GSTM2: variants seen among roughly 807,000 people sequenced by gnomAD.
GSTM2 encodes the protein glutathione S-transferase mu 2.
A neutral mutation model predicts 33.3 loss-of-function variants in GSTM2; 33 were observed. That is an observed-to-expected ratio of 0.99 (90% confidence interval 0.75 to 1.33). GSTM2 has a LOEUF of 1.33. Ranked by LOEUF, GSTM2 falls within the 40% of genes most tolerant of loss-of-function variation. GSTM2 has a pLI of 0.00. For synonymous variants in GSTM2, 93 were observed against 95.6 expected (o/e 0.97, Z 0.16); for missense variants, 213 against 265.8 (o/e 0.80, Z 1.38).
chr1:109,671,967 T>A (rs1647558289), intron 7 of GSTM2, among the ~76,000 whole-genome samples: 1 of 79,192 alleles, frequency 1.3e-5, no homozygotes. Flanking sequence ...TGTGACTCCA[T>A]CTCAAGAAAA....
At chr1:109,671,236 C>A in intron 5 of GSTM2, 51 bp from the exon 6 acceptor site, 1 of 1,335,824 alleles carries the variant, frequency 7.5e-7, no homozygotes, top group Non-Finnish European at 1.1e-6. Flanking sequence ...GAGGCCGCAT[C>A]TGTGCAGGGA....
intron 2 of GSTM2, 153 bp from the exon 3 acceptor site, chr1:109,668,772 T>G (rs1310607258): frequency 1.0e-6 from 1 of 985,938 alleles, no homozygotes; most frequent in African/African-American, 1.6e-5. Context: ...TCACTGGAAT[T>G]CTTTTTCTCT....
intron 7 of GSTM2, 109 bp from the exon 8 acceptor site, chr1:109,674,638 C>T: frequency 7.2e-7 from 1 of 1,384,330 alleles, no homozygotes; most frequent in Non-Finnish European, 1.0e-6. Context: ...CTTGAGCCCA[C>T]ATGGAAAGGC....
At chr1:109,676,560 C>T (rs1359810327), downstream of GSTM2, among the ~76,000 whole-genome samples, 2 of 152,112 alleles carry the variant, frequency 1.3e-5, no homozygotes, top group Non-Finnish European at 2.9e-5. Flanking sequence ...ACCATGTTGG[C>T]CATGCTGGTC....
rs114387727 is a variant in GSTM2, at chr1:109,670,886, T to C, written c.361-401T>C. The C allele has an allele frequency of 4.0e-3, 700 of 173,258 alleles. 9 individuals are homozygous for C. Among genetic ancestry groups the C allele is most frequent in the African/African-American group, 0.016 (685 of 42,290 alleles). 10.7% of individuals were successfully genotyped at this position (173,258 alleles called of 1,614,324 possible). ...TCCAGAAACCACTCAATGTCCATTG[T>C]ATTCTACTGCTGCCCAACTAGGAGG... On this transcript the variant is annotated intron_variant, in intron 5 of 7. Transcript: ENST00000241337.
chr1:109,668,321 G>A, intron 1 of GSTM2, 104 bp from the exon 2 acceptor site: 2 of 1,416,228 alleles, frequency 1.4e-6, no homozygotes, highest in Non-Finnish European at 2.0e-6. Context: ...GTGGGGGCGG[G>A]TGAGGCAGGA....
At chr1:109,668,569 C>T in intron 2 of GSTM2, 69 bp downstream of exon 2, 1 of 1,546,672 alleles carries the variant, frequency 6.5e-7, no homozygotes, top group Non-Finnish European at 8.9e-7. Context: ...CGATAGTGGC[C>T]ACCTGTGGCT....
intron 7 of GSTM2, chr1:109,673,512 A>T (rs1239470293): frequency 1.3e-5 from 6 of 453,914 alleles, no homozygotes; most frequent in Non-Finnish European, 2.4e-5. Flanking sequence ...GCTAGTTCCC[A>T]TCAGCTCTGG....
At chr1:109,678,615 T>C (rs1256259795), downstream of GSTM2, among the ~76,000 whole-genome samples, 3 of 151,824 alleles carry the variant, frequency 2.0e-5, 1 homozygote, top group African/African-American at 7.3e-5. Flanking sequence ...TTTTGTATTT[T>C]TGGGCGTGGT....
downstream of GSTM2, among the ~76,000 whole-genome samples, chr1:109,676,503 A>G (rs1480881808): frequency 6.6e-6 from 1 of 151,880 alleles, no homozygotes; most frequent in Non-Finnish European, 1.5e-5. Flanking sequence ...AGGCGTGCAC[A>G]CTGTGCCCAG....
At chr1:109,668,878 G>A in intron 2 of GSTM2, 47 bp from the exon 3 acceptor site, 2 of 1,609,898 alleles carry the variant, frequency 1.2e-6, no homozygotes, top group Non-Finnish European at 1.7e-6. Flanking sequence ...AGGAAGGAGG[G>A]CTGGGCTTTG....
At chr1:109,668,883 G>A (rs371310525) in intron 2 of GSTM2, 42 bp from the exon 3 acceptor site, 204 of 1,610,956 alleles carry the variant, frequency 1.3e-4, no homozygotes, top group Non-Finnish European at 1.5e-4. Flanking sequence ...GGAGGGCTGG[G>A]CTTTGGGGAG....
chr1:109,679,361 T>C (rs1376957782), downstream of GSTM2, among the ~76,000 whole-genome samples: 5 of 152,008 alleles, frequency 3.3e-5, no homozygotes, highest in Non-Finnish European at 7.4e-5. Flanking sequence ...ATCCCAGCTA[T>C]TCAGGAGGCT....
At chr1:109,672,832 A>C (rs1647594842) in intron 7 of GSTM2, among the ~76,000 whole-genome samples, 2 of 150,604 alleles carry the variant, frequency 1.3e-5, no homozygotes, top group South Asian at 4.2e-4. Context: ...GCTTATGCTG[A>C]AATGCCCTGT....
chr1:109,676,934 C>T (rs72989277), downstream of GSTM2, among the ~76,000 whole-genome samples: 6,458 of 152,254 alleles, frequency 0.042, 452 homozygotes, highest in African/African-American at 0.15. Context: ...CATGTATTCA[C>T]GCAAGGCTCA....
intron 1 of GSTM2, 39 bp downstream of exon 1, chr1:109,668,190 T>A: frequency 6.8e-7 from 1 of 1,474,622 alleles, no homozygotes; most frequent in Non-Finnish European, 9.4e-7. Flanking sequence ...CGGGGGTGCG[T>A]GGGGGCGGGG....
chr1:109,682,699 A>G (rs1455485725), intron 7 of GSTM2, among the ~76,000 whole-genome samples: 1 of 127,608 alleles, frequency 7.8e-6, no homozygotes, highest in Admixed American at 7.6e-5. Context: ...TATCACAGGC[A>G]TGTTGGAAAA....
Position 109,671,507 on chromosome 1 carries a change from T to G in GSTM2, c.491T>G (p.Leu164Arg). ...TFVDFIAYDV[L>R]ERNQVFEPSC... ...GTGGATTTCATCGCTTATGATGTCC[T>G]TGAGAGAAACCAAGTATTTGAGCCC... is the stretch of plus-strand genomic sequence containing the variant. The change falls in exon 7 of 8, where the codon CTT becomes CGT. Residue 164 changes from leucine (L) to arginine (R), a missense_variant. Transcript: ENST00000241337. The G allele has an allele frequency of 6.2e-7, 1 of 1,613,522 alleles. No individual in the cohort carries two copies. Among genetic ancestry groups the G allele is most frequent in the Non-Finnish European group, 8.5e-7 (1 of 1,179,390 alleles).
chr1:109,673,332 A>G, intron 7 of GSTM2: 2 of 1,530,510 alleles, frequency 1.3e-6, no homozygotes, highest in East Asian at 2.3e-5. Context: ...AAATGAGTGC[A>G]GTGAGAGGCC....
Sources: gnomAD v4.1 joint callset for allele counts (sites outside exome capture counted in the v4.1 genomes callset) on GRCh38, gnomAD v4.1.1 for gene constraint, MANE v1.5 for transcripts, NCBI Gene and HGNC (gene_info 2026-07-23, HGNC 2026-07-21) for gene names.